Variants in SORCS1 observed in about 807,000 individuals in gnomAD.
The protein encoded by SORCS1 is VPS10 domain-containing receptor SorCS1.
In SORCS1, 60 loss-of-function variants were observed where a neutral mutation model predicts 146.1. The observed-to-expected ratio is 0.41, with a 90% CI of 0.33 to 0.51. The LOEUF is 0.51. Ranked by LOEUF, SORCS1 falls within the 20% of genes least tolerant of loss-of-function variation. SORCS1 has a pLI of 0.21. For synonymous variants in SORCS1, 637 were observed against 584.0 expected (o/e 1.09, Z -1.31); for missense variants, 1,352 against 1,487.6 (o/e 0.91, Z 1.50).
At chr10:106,906,359 C>T (rs1016914289) in intron 2 of SORCS1, among the ~76,000 whole-genome samples, 3 of 152,182 alleles carry the variant, frequency 2.0e-5, no homozygotes, top group African/African-American at 7.2e-5. Flanking sequence ...GGTGATCTGC[C>T]GGCCTCGGCC....
intron 1 of SORCS1, among the ~76,000 whole-genome samples, chr10:107,030,751 T>C (rs1016661663): frequency 5.9e-5 from 9 of 152,212 alleles, no homozygotes; most frequent in African/African-American, 1.4e-4. Flanking sequence ...AGTTTAAAAC[T>C]GAAAAGATTT....
At chr10:106,926,553 T>C (rs867378146) in intron 2 of SORCS1, among the ~76,000 whole-genome samples, 2 of 152,152 alleles carry the variant, frequency 1.3e-5, no homozygotes, top group South Asian at 2.1e-4. Flanking sequence ...TTACTATTAT[T>C]AGGTTGAGGC....
At chr10:106,734,366 G>T (rs1332112795) in intron 5 of SORCS1, among the ~76,000 whole-genome samples, 1 of 152,110 alleles carries the variant, frequency 6.6e-6, no homozygotes, top group African/African-American at 2.4e-5. Flanking sequence ...TCTCAGTGGG[G>T]GTGCCACTTA....
At chr10:107,115,432 G>T (rs1024377653) in intron 1 of SORCS1, among the ~76,000 whole-genome samples, 1 of 152,034 alleles carries the variant, frequency 6.6e-6, no homozygotes, top group African/African-American at 2.4e-5. Context: ...ACAAAATAGA[G>T]ATCTCAGAAA....
At chr10:107,075,695 A>T (rs1406762854) in intron 1 of SORCS1, among the ~76,000 whole-genome samples, 1 of 152,144 alleles carries the variant, frequency 6.6e-6, no homozygotes, top group East Asian at 1.9e-4. Context: ...ATAAATTTTT[A>T]AAAATATATA....
intron 1 of SORCS1, among the ~76,000 whole-genome samples, chr10:107,008,702 A>G (rs1302900613): frequency 6.6e-6 from 1 of 152,186 alleles, no homozygotes; most frequent in Non-Finnish European, 1.5e-5. Flanking sequence ...GCACTCAAAA[A>G]TGGTTATTAT....
At chr10:106,611,871 A>C in intron 22 of SORCS1, 40 bp downstream of exon 22, 2 of 1,461,644 alleles carry the variant, frequency 1.4e-6, no homozygotes, top group East Asian at 4.5e-5. Flanking sequence ...GGACAGAGAG[A>C]AAAGGTACCC....
intron 1 of SORCS1, among the ~76,000 whole-genome samples, chr10:107,068,710 C>T (rs1962141838): frequency 6.6e-6 from 1 of 152,008 alleles, no homozygotes. Context: ...ACTAAAAATA[C>T]AAAAACAAAA....
At chr10:106,797,708 C>A (rs993929438) in intron 3 of SORCS1, among the ~76,000 whole-genome samples, 1 of 152,134 alleles carries the variant, frequency 6.6e-6, no homozygotes, top group Non-Finnish European at 1.5e-5. Flanking sequence ...CCAGCCCCAG[C>A]AGATGGCCAA....
chr10:107,000,654 T>G (rs1038506664), intron 1 of SORCS1, among the ~76,000 whole-genome samples: 1 of 151,658 alleles, frequency 6.6e-6, no homozygotes, highest in African/African-American at 2.4e-5. Context: ...AATTTCTGTA[T>G]GCTTCAAGCT....
intron 3 of SORCS1, among the ~76,000 whole-genome samples, chr10:106,804,346 A>AGT (rs1947059449): frequency 1.1e-5 from 1 of 88,356 alleles, no homozygotes; most frequent in African/African-American, 3.6e-5. Flanking sequence ...GAGAAAATAA[A>AGT]ATAAAATAAA....
intron 2 of SORCS1, among the ~76,000 whole-genome samples, chr10:106,832,787 G>A (rs558520380): frequency 1.1e-4 from 17 of 152,154 alleles, no homozygotes; most frequent in African/African-American, 4.1e-4. Context: ...TGAGAGACAA[G>A]AAAATGGTTC....
At chr10:106,850,274 G>T (rs1446585746) in intron 2 of SORCS1, among the ~76,000 whole-genome samples, 1 of 152,192 alleles carries the variant, frequency 6.6e-6, no homozygotes, top group Non-Finnish European at 1.5e-5. Flanking sequence ...CCAGGTGTGG[G>T]ATATAGTCTC....
chr10:106,755,692 A>G (rs569298776), intron 5 of SORCS1, among the ~76,000 whole-genome samples: 3 of 152,046 alleles, frequency 2.0e-5, no homozygotes, highest in South Asian at 2.1e-4. Flanking sequence ...CTGTATTTCA[A>G]TTCTTGGGGT....
At chr10:106,822,699 G>C (rs1948098950) in intron 3 of SORCS1, among the ~76,000 whole-genome samples, 1 of 151,560 alleles carries the variant, frequency 6.6e-6, no homozygotes, top group Non-Finnish European at 1.5e-5. Context: ...TAAGTGTAGG[G>C]AAGTAAGGAT....
intron 2 of SORCS1, among the ~76,000 whole-genome samples, chr10:106,860,246 G>C (rs1010389725): frequency 1.3e-4 from 20 of 152,174 alleles, no homozygotes; most frequent in Admixed American, 3.9e-4. Flanking sequence ...CAGTTATAAG[G>C]GTAAAGATAA....
intron 18 of SORCS1, among the ~76,000 whole-genome samples, chr10:106,636,118 G>T (rs1237404157): frequency 1.3e-5 from 2 of 152,058 alleles, no homozygotes; most frequent in African/African-American, 4.8e-5. Flanking sequence ...GATCTAGTTG[G>T]GTGCAGTGGC....
intron 1 of SORCS1, among the ~76,000 whole-genome samples, chr10:107,013,390 G>A (rs1957764328): frequency 6.6e-6 from 1 of 152,036 alleles, no homozygotes; most frequent in Non-Finnish European, 1.5e-5. Context: ...CACTGAGATG[G>A]AACCTGACAC....
chr10:106,728,840 G>T (rs776343491), intron 6 of SORCS1, among the ~76,000 whole-genome samples: 1 of 152,162 alleles, frequency 6.6e-6, no homozygotes, highest in Non-Finnish European at 1.5e-5. Flanking sequence ...CTGGGCCAGC[G>T]CTGGGTAGCC....
Sources: allele counts gnomAD v4.1 joint callset (sites outside exome capture counted in the v4.1 genomes callset), GRCh38; gene constraint gnomAD v4.1.1; transcripts MANE v1.5; gene names NCBI Gene and HGNC (gene_info 2026-07-23, HGNC 2026-07-21).